The following FHOD3 variants were observed in gnomAD, a reference collection of about 807,000 sequenced individuals.
The protein encoded by FHOD3 is FH1/FH2 domain-containing protein 3.
FHOD3 carries 90 observed loss-of-function variants against 173.0 expected under a neutral mutation model. That is an observed-to-expected ratio of 0.52 (90% confidence interval 0.44 to 0.62). The LOEUF is 0.62. Among genes scored for constraint, FHOD3 ranks in the 20% least tolerant of loss-of-function variants. The pLI, the probability that FHOD3 is intolerant of heterozygous loss-of-function variation, is 0.00. For synonymous variants in FHOD3, 828 were observed against 823.0 expected, an observed-to-expected ratio of 1.01 and a Z score of -0.10; for missense variants, 1,945 against 2,034.7, an observed-to-expected ratio of 0.96 and a Z score of 0.85.
Position 36,696,229 on chromosome 18 carries a change from T to G in FHOD3, c.2236+2806T>G, listed in dbSNP as rs376694694. Among the ~76,000 whole-genome samples the G allele has an allele frequency of 6.6e-5, 10 of 152,338 alleles. No individual in the cohort carries two copies. In the East Asian group the frequency reaches 9.6e-4, roughly 15 times the overall value. On this transcript the variant is annotated intron_variant, in intron 17 of 28. Transcript: ENST00000590592. ...TTCTGATGCCCATCTCAGCCATTTG[T>G]CATGGAGTCATGGCTCTACCATGTT...
chr18:36,340,440 G>A (rs2045552474), intron 1 of FHOD3, among the ~76,000 whole-genome samples: 1 of 152,144 alleles, frequency 6.6e-6, no homozygotes, highest in South Asian at 2.1e-4. Flanking sequence ...TTTATTGTTT[G>A]AAGGTTGAGC....
intron 3 of FHOD3, among the ~76,000 whole-genome samples, chr18:36,443,592 G>A (rs2051277301): frequency 6.6e-6 from 1 of 152,138 alleles, no homozygotes; most frequent in Non-Finnish European, 1.5e-5. Context: ...CCTGAAATCA[G>A]CCATTTCTCT....
intron 5 of FHOD3, among the ~76,000 whole-genome samples, chr18:36,556,866 A>G (rs1415323647): frequency 6.6e-6 from 1 of 152,176 alleles, no homozygotes; most frequent in Non-Finnish European, 1.5e-5. Context: ...TCTGCTGTTG[A>G]TGAATTATTT....
intron 6 of FHOD3, among the ~76,000 whole-genome samples, chr18:36,577,256 TAATC>T (rs1318397377): frequency 6.6e-6 from 1 of 152,218 alleles, no homozygotes; most frequent in African/African-American, 2.4e-5. Context: ...ATTATAAAAG[TAATC>T]AATGTTTATT....
At chr18:36,434,934 T>C (rs1292540424) in intron 3 of FHOD3, among the ~76,000 whole-genome samples, 1 of 152,090 alleles carries the variant, frequency 6.6e-6, no homozygotes, top group East Asian at 1.9e-4. Context: ...CTTTACTAAA[T>C]AGATTTCCTA....
At chr18:36,610,287 C>T (rs951415639) in intron 8 of FHOD3, among the ~76,000 whole-genome samples, 1 of 152,232 alleles carries the variant, frequency 6.6e-6, no homozygotes, top group Non-Finnish European at 1.5e-5. Flanking sequence ...TCATTTCCCT[C>T]TCATCTTTTA....
chr18:36,388,907 A>G (rs1045775672), intron 3 of FHOD3, among the ~76,000 whole-genome samples: 5 of 152,212 alleles, frequency 3.3e-5, no homozygotes, highest in Non-Finnish European at 1.5e-5. Flanking sequence ...ATGGTTTTCT[A>G]GGGAAGGTGC....
chr18:36,707,075 A>G lies in FHOD3; in HGVS notation c.2237-2020A>G, dbSNP rs548480177. On this transcript the variant is annotated intron_variant, in intron 17 of 28. Coordinates refer to ENST00000590592, the MANE Select transcript of FHOD3 (RefSeq NM_001281740.3). ...AAAGGCCTGTTCACTCCATCCCATG[A>G]CCCAGCACAGTTTTTACTTTTAAGG... Among the ~76,000 whole-genome samples the G allele has an allele frequency of 2.0e-5, 3 of 152,346 alleles. No individual in the cohort carries two copies. The South Asian group carries it at 6.2e-4, about 32-fold the overall frequency.
At chr18:36,349,146 G>A (rs572957594) in intron 1 of FHOD3, among the ~76,000 whole-genome samples, 18 of 152,308 alleles carry the variant, frequency 1.2e-4, no homozygotes, top group East Asian at 5.8e-4. Flanking sequence ...CTGGCCTCGC[G>A]TGACATGTGG....
At chr18:36,467,829 T>C (rs563897055) in intron 3 of FHOD3, among the ~76,000 whole-genome samples, 3 of 152,196 alleles carry the variant, frequency 2.0e-5, no homozygotes, top group East Asian at 3.9e-4. Flanking sequence ...ACCCTCGACA[T>C]GAATGCTCCT....
At chr18:36,632,304 C>T (rs1433764984) in intron 10 of FHOD3, among the ~76,000 whole-genome samples, 1 of 152,160 alleles carries the variant, frequency 6.6e-6, no homozygotes, top group Non-Finnish European at 1.5e-5. Flanking sequence ...TTTATTACTA[C>T]TGAGGCTGTA....
chr18:36,513,771 TA>T lies in FHOD3; in HGVS notation c.511+1237del, dbSNP rs536901095. On this transcript the variant is annotated intron_variant, in intron 5 of 28. Transcript: ENST00000590592. ...GCAACAGAGAGAACGTAGGGCTCAT[TA>T]AAAAAAAATTAAGGTTGTCTTTTCA... Among the ~76,000 whole-genome samples the T allele has an allele frequency of 1.5e-4, 23 of 150,760 alleles. No individual in the cohort carries two copies. The South Asian group carries it at 4.2e-3, about 28-fold the overall frequency.
chr18:36,462,314 T>G (rs116656174), intron 3 of FHOD3, among the ~76,000 whole-genome samples: 1 of 151,908 alleles, frequency 6.6e-6, no homozygotes, highest in Non-Finnish European at 1.5e-5. Context: ...TGTGTTTGTT[T>G]TGTTTTGCTT....
intron 3 of FHOD3, among the ~76,000 whole-genome samples, chr18:36,457,063 G>C (rs2052262354): frequency 6.6e-6 from 1 of 152,050 alleles, no homozygotes; most frequent in East Asian, 1.9e-4. Context: ...GTTCCAGCAG[G>C]TGGGAAGGTG....
intron 4 of FHOD3, among the ~76,000 whole-genome samples, chr18:36,507,231 ATAGTGACACCTT>A (rs1383711855): frequency 6.6e-6 from 1 of 152,258 alleles, no homozygotes; most frequent in African/African-American, 2.4e-5. Context: ...GGTGGCTAAG[ATAGTGACACCTT>A]TGCTTTCTGA....
chr18:36,625,061 C>T (rs1458416177), intron 9 of FHOD3, among the ~76,000 whole-genome samples: 2 of 152,264 alleles, frequency 1.3e-5, no homozygotes, highest in Middle Eastern at 6.8e-3. Context: ...CTGGCCACTT[C>T]TGAGCACCCT....
intron 1 of FHOD3, among the ~76,000 whole-genome samples, chr18:36,327,955 C>G (rs2044759087): frequency 6.6e-6 from 1 of 152,144 alleles, no homozygotes; most frequent in South Asian, 2.1e-4. Context: ...TCAGATTTGG[C>G]CCATGGGTTT....
At chr18:36,361,720 C>T (rs1038510115) in intron 2 of FHOD3, among the ~76,000 whole-genome samples, 2 of 151,284 alleles carry the variant, frequency 1.3e-5, no homozygotes, top group African/African-American at 4.9e-5. Flanking sequence ...AAGAAAAATG[C>T]TGTCCAGGTG....
intron 24 of FHOD3, among the ~76,000 whole-genome samples, chr18:36,753,824 T>A (rs977216264): frequency 6.6e-6 from 1 of 152,228 alleles, no homozygotes; most frequent in Non-Finnish European, 1.5e-5. Flanking sequence ...TTTTTTCATG[T>A]ATCTCTTGGC....
Sources: gnomAD v4.1 joint callset for allele counts (sites outside exome capture counted in the v4.1 genomes callset) on GRCh38, gnomAD v4.1.1 for gene constraint, MANE v1.5 for transcripts, NCBI Gene and HGNC (gene_info 2026-07-23, HGNC 2026-07-21) for gene names.